Variants in GABRB2 observed in about 807,000 individuals in gnomAD.
GABRB2 encodes gamma-aminobutyric acid type A receptor subunit beta2.
In GABRB2, 16 loss-of-function variants were observed where a neutral mutation model predicts 54.7. That is an observed-to-expected ratio of 0.29 (90% CI 0.20 to 0.44). GABRB2 has a LOEUF of 0.44. Among genes scored for constraint, GABRB2 ranks in the 20% least tolerant of loss-of-function variants. The pLI is 1.00. For synonymous variants in GABRB2, 244 were observed against 233.8 expected, an observed-to-expected ratio of 1.04 and a Z score of -0.40; for missense variants, 355 against 644.0, an observed-to-expected ratio of 0.55 and a Z score of 4.86.
intron 3 of GABRB2, among the ~76,000 whole-genome samples, chr5:161,486,162 A>G (rs1268258143): frequency 1.3e-5 from 2 of 151,990 alleles, no homozygotes; most frequent in African/African-American, 4.8e-5. Context: ...AGTCACAGAC[A>G]GATGGGTCTA....
intron 5 of GABRB2, among the ~76,000 whole-genome samples, chr5:161,361,441 C>T (rs1217826749): frequency 6.6e-6 from 1 of 151,998 alleles, no homozygotes; most frequent in African/African-American, 2.4e-5. Flanking sequence ...TTGATCCAGA[C>T]ATATCTGGAT....
intron 5 of GABRB2, among the ~76,000 whole-genome samples, chr5:161,404,084 G>C (rs1039625413): frequency 1.3e-5 from 2 of 152,064 alleles, no homozygotes; most frequent in Non-Finnish European, 2.9e-5. Flanking sequence ...CAGAGTCTTT[G>C]AGTCCAGATA....
At chr5:161,441,723 T>A (rs530589632) in intron 4 of GABRB2, among the ~76,000 whole-genome samples, 1 of 152,094 alleles carries the variant, frequency 6.6e-6, no homozygotes, top group Non-Finnish European at 1.5e-5. Context: ...AACAGATGAA[T>A]GAATAAAGAA....
Position 161,376,778 on chromosome 5 carries a change from T to C in GABRB2, c.541+34197A>G, listed in dbSNP as rs150721699. ...AATTCCTGCAATGCATTTTAATTACTGCTGTAATTATGGTAAATTCCACTG... is the reference window on the plus strand; with the variant it reads ...AATTCCTGCAATGCATTTTAATTACCGCTGTAATTATGGTAAATTCCACTG... On this transcript the variant is annotated intron_variant, in intron 5 of 9. Coordinates refer to ENST00000393959, the MANE Select transcript of GABRB2 (RefSeq NM_001371727.1). 2.1e-3 allele frequency among the ~76,000 whole-genome samples: 322 copies of C among 152,306 alleles called. 3 individuals carry two copies. The highest frequency in any genetic ancestry group is 6.5e-3 in the African/African-American group (271 of 41,584).
upstream of GABRB2, chr5:161,546,915 TTTG>T: frequency 4.0e-6 from 2 of 495,172 alleles, no homozygotes; most frequent in Non-Finnish European, 3.1e-6. Context: ...GAATAAAATT[TTTG>T]TTGTTATCCT....
At chr5:161,441,696 C>A (rs781114128) in intron 4 of GABRB2, among the ~76,000 whole-genome samples, 3 of 152,102 alleles carry the variant, frequency 2.0e-5, no homozygotes, top group Non-Finnish European at 2.9e-5. Flanking sequence ...GATTTGGAAG[C>A]AACCTAACTG....
chr5:161,366,509 A>T (rs750776602), intron 5 of GABRB2, among the ~76,000 whole-genome samples: 5 of 152,132 alleles, frequency 3.3e-5, no homozygotes, highest in Admixed American at 6.5e-5. Context: ...TTTTTTTTCT[A>T]TCCAAATGCC....
At chr5:161,395,851 A>G (rs1012784624) in intron 5 of GABRB2, among the ~76,000 whole-genome samples, 13 of 152,062 alleles carry the variant, frequency 8.5e-5, no homozygotes, top group African/African-American at 3.1e-4. Context: ...TATACCTTCT[A>G]CCTTGCTGTC....
At chr5:161,300,967 C>T (rs1757522558) in intron 9 of GABRB2, among the ~76,000 whole-genome samples, 1 of 152,148 alleles carries the variant, frequency 6.6e-6, no homozygotes, top group South Asian at 2.1e-4. Flanking sequence ...TGGAGGCAGG[C>T]ATTGCATTAA....
chr5:161,474,906 C>A (rs1758549778), intron 3 of GABRB2, among the ~76,000 whole-genome samples: 1 of 151,892 alleles, frequency 6.6e-6, no homozygotes, highest in South Asian at 2.1e-4. Context: ...TAAAAGCAAT[C>A]TCCTAGGGGT....
chr5:161,436,862 A>G (rs1233040402), intron 4 of GABRB2, among the ~76,000 whole-genome samples: 1 of 152,096 alleles, frequency 6.6e-6, no homozygotes, highest in Non-Finnish European at 1.5e-5. Flanking sequence ...GAGGCACCGA[A>G]TTCAGTGCTG....
At chr5:161,470,071 GT>G (rs34680755) in intron 3 of GABRB2, among the ~76,000 whole-genome samples, 25,847 of 147,854 alleles carry the variant, frequency 0.17, 3,097 homozygotes, top group African/African-American at 0.34. Context: ...TTCCTTTCAT[GT>G]TTTTTTTTTA....
chr5:161,339,880 G>T (rs1244303590), intron 5 of GABRB2, among the ~76,000 whole-genome samples: 4 of 151,872 alleles, frequency 2.6e-5, no homozygotes, highest in Non-Finnish European at 4.4e-5. Flanking sequence ...TGACCTCAAA[G>T]AAAGCATTTT....
chr5:161,467,303 C>T (rs929340195), intron 3 of GABRB2, among the ~76,000 whole-genome samples: 1 of 152,060 alleles, frequency 6.6e-6, no homozygotes, highest in African/African-American at 2.4e-5. Flanking sequence ...TTAATTACCG[C>T]TTGTTGAAAG....
intron 3 of GABRB2, among the ~76,000 whole-genome samples, chr5:161,493,283 T>C (rs1186175053): frequency 6.6e-6 from 1 of 151,754 alleles, no homozygotes; most frequent in Non-Finnish European, 1.5e-5. Flanking sequence ...TTTTTCCTTA[T>C]TGATACAAAT....
intron 5 of GABRB2, among the ~76,000 whole-genome samples, chr5:161,377,639 G>A (rs1321696118): frequency 2.6e-5 from 4 of 151,898 alleles, no homozygotes; most frequent in Admixed American, 2.6e-4. Flanking sequence ...TGATGGCAGG[G>A]GTTACTTTAA....
intron 4 of GABRB2, among the ~76,000 whole-genome samples, chr5:161,418,207 G>C (rs1756738637): frequency 6.6e-6 from 1 of 152,186 alleles, no homozygotes; most frequent in African/African-American, 2.4e-5. Context: ...ATTTTTGTGA[G>C]CATATAAATA....
chr5:161,459,602 T>G (rs770451503), intron 4 of GABRB2, 22 bp downstream of exon 4: 1 of 1,590,250 alleles, frequency 6.3e-7, no homozygotes, highest in South Asian at 1.1e-5. Context: ...AAAAGTTATA[T>G]TTTGAATTGG....
chr5:161,423,050 G>A (rs1367084100), intron 4 of GABRB2, among the ~76,000 whole-genome samples: 1 of 152,084 alleles, frequency 6.6e-6, no homozygotes, highest in African/African-American at 2.4e-5. Flanking sequence ...GAAAAGCTAT[G>A]ATTACCAGGA....
Sources: gnomAD v4.1 joint callset for allele counts (sites outside exome capture counted in the v4.1 genomes callset) on GRCh38, gnomAD v4.1.1 for gene constraint, MANE v1.5 for transcripts, NCBI Gene and HGNC (gene_info 2026-07-23, HGNC 2026-07-21) for gene names.